The following DHRS4 variants were observed in gnomAD, a reference collection of about 807,000 sequenced individuals.
DHRS4 encodes dehydrogenase/reductase 4, also known as dehydrogenase/reductase SDR family member 4.
Under a neutral mutation model 28.4 loss-of-function variants are expected in DHRS4, and 20 were observed. That is an observed-to-expected ratio of 0.71 (90% CI 0.50 to 1.02). The LOEUF (loss-of-function observed/expected upper bound fraction) is 1.02. DHRS4 is among the 50% of genes least tolerant of loss of function. The probability of loss-of-function intolerance (pLI) is 0.00; values close to 1 mark genes in which losing one functional copy is unlikely to be tolerated. For missense variants in DHRS4, 378 were observed against 367.2 expected (o/e 1.03, Z -0.24); for synonymous variants, 144 against 146.4 (o/e 0.98, Z 0.12).
intron 1 of DHRS4, 27 bp downstream of exon 1, chr14:23,953,943 G>A (rs1265487042): frequency 6.4e-7 from 1 of 1,559,898 alleles, no homozygotes; most frequent in Admixed American, 1.9e-5. Flanking sequence ...GAGTTTCTGA[G>A]GCCCTGGCTG....
intron 1 of DHRS4, among the ~76,000 whole-genome samples, 174 bp from the exon 2 acceptor site, chr14:23,954,861 G>A (rs771280093): frequency 1.8e-4 from 28 of 152,212 alleles, no homozygotes; most frequent in Non-Finnish European, 8.8e-5. Context: ...ACAAGTAAAG[G>A]AATGCCAAAA....
At chr14:23,957,587 C>T (rs1049663310) in intron 2 of DHRS4, among the ~76,000 whole-genome samples, 1 of 150,192 alleles carries the variant, frequency 6.7e-6, no homozygotes, top group Non-Finnish European at 1.5e-5. Flanking sequence ...GACAGGGCCT[C>T]CTTCTGTTGC....
At chr14:23,954,106 G>A (rs113168209) in intron 1 of DHRS4, 190 bp downstream of exon 1, 2 of 872,146 alleles carry the variant, frequency 2.3e-6, no homozygotes, top group Middle Eastern at 3.6e-4. Context: ...TCCCTTGCCA[G>A]CCCTCCTGTC....
At chr14:23,963,907 T>C (rs1386194909) in intron 3 of DHRS4, among the ~76,000 whole-genome samples, 6 of 150,712 alleles carry the variant, frequency 4.0e-5, no homozygotes, top group Non-Finnish European at 8.8e-5. Context: ...CTAATTTCAA[T>C]GTAAATGTGT....
chr14:23,955,145 G>A lies in DHRS4; in HGVS notation c.239G>A (p.Gly80Glu), dbSNP rs1168234585. 6.2e-7 allele frequency: 1 copy of A among 1,613,856 alleles called. No homozygotes were observed. Among genetic ancestry groups the A allele is most frequent in the Non-Finnish European group, 8.5e-7 (1 of 1,179,906 alleles). ...GCGGTGGCCACGCTGCAGGGGGAGGGGCTGAGCGTGACGGGCACCGTGTGC... is the reference window on the plus strand; with the variant it reads ...GCGGTGGCCACGCTGCAGGGGGAGGAGCTGAGCGTGACGGGCACCGTGTGC... ...DQAVATLQGE[G>E]LSVTGTVCHV... The change falls in exon 2 of 8, where the codon GGG becomes GAG. Residue 80 changes from glycine to glutamate, a missense_variant. By Grantham distance (98) the Gly-to-Glu change is moderately conservative (BLOSUM62 -2). Transcript: ENST00000313250.
chr14:23,966,300 T>G lies in DHRS4; in HGVS notation c.549T>G (p.Asn183Lys), dbSNP rs755140574. ...FSPSPGFSPY[N>K]VSKTALLGLT... ...TTCTCCAGGGCTTCAGTCCTTACAATGTCAGTAAAACAGCCTTGCTGGGCC... is the reference window on the plus strand; with the variant it reads ...TTCTCCAGGGCTTCAGTCCTTACAAGGTCAGTAAAACAGCCTTGCTGGGCC... The change falls in exon 6 of 8, where the codon AAT becomes AAG. Residue 183 changes from asparagine to lysine, a missense_variant. By Grantham distance (94) the Asn-to-Lys change is moderately conservative. Coordinates refer to ENST00000313250, the MANE Select transcript of DHRS4 (RefSeq NM_021004.4). 15 of 1,613,738 alleles carry G rather than the reference T, an allele frequency of 9.3e-6. No individual in the cohort carries two copies. Among genetic ancestry groups the G allele is most frequent in the Non-Finnish European group, 1.2e-5 (14 of 1,179,958 alleles).
intron 2 of DHRS4, among the ~76,000 whole-genome samples, chr14:23,955,942 C>T (rs111631601): frequency 0.058 from 8,834 of 152,286 alleles, 306 homozygotes; most frequent in African/African-American, 0.098. Context: ...ACGGCATACA[C>T]TTTATTTCCC....
chr14:23,953,776 G>T lies in DHRS4; in HGVS notation c.-13G>T, dbSNP rs1448793585. On this transcript the variant is annotated 5_prime_UTR_variant, in exon 1 of 8. Transcript: ENST00000313250. ...CCTGGGAAGAGTGGAACCCATACTT[G>T]CTGGTCTGATCCATGCACAAGGCGG... 1 of 1,613,900 alleles carries T rather than the reference G, an allele frequency of 6.2e-7. No homozygotes were observed. The highest frequency in any genetic ancestry group is 8.5e-7 in the Non-Finnish European group (1 of 1,179,922).
chr14:23,963,142 C>T (rs1396996667), intron 3 of DHRS4, among the ~76,000 whole-genome samples: 3 of 108,310 alleles, frequency 2.8e-5, no homozygotes, highest in South Asian at 2.9e-4. Context: ...GTAGATTTAG[C>T]GTAAATCTGA....
At chr14:23,956,811 C>T (rs1425496805) in intron 2 of DHRS4, among the ~76,000 whole-genome samples, 4 of 152,060 alleles carry the variant, frequency 2.6e-5, no homozygotes, top group Admixed American at 6.6e-5. Flanking sequence ...ACCATGTTGG[C>T]CAGGCTGGTC....
At chr14:23,958,987 A>C (rs1278859098) in intron 2 of DHRS4, among the ~76,000 whole-genome samples, 3 of 152,212 alleles carry the variant, frequency 2.0e-5, no homozygotes, top group Non-Finnish European at 4.4e-5. Context: ...AGGCCCCTCC[A>C]GGGTAACTTT....
At chr14:23,961,362 A>T (rs1206998813) in intron 3 of DHRS4, among the ~76,000 whole-genome samples, 2 of 115,536 alleles carry the variant, frequency 1.7e-5, no homozygotes, top group Admixed American at 1.7e-4. Context: ...TAAAAACAAC[A>T]ACAACAACAA....
intron 3 of DHRS4, among the ~76,000 whole-genome samples, chr14:23,961,544 T>TC (rs1555325886): frequency 1.4e-3 from 170 of 123,568 alleles, no homozygotes; most frequent in African/African-American, 6.1e-3. Context: ...TTTTTTTTTT[T>TC]CCCTCGCTGT....
rs1353157976 is a variant in DHRS4 at position 23,955,143 on chromosome 14, G to C, written c.237G>C (p.Glu79Asp). The C allele has an allele frequency of 5.0e-6, 8 of 1,613,892 alleles. No homozygotes were observed. In the South Asian group the frequency reaches 8.8e-5, roughly 18 times the overall value. ...AGGCGGTGGCCACGCTGCAGGGGGA[G>C]GGGCTGAGCGTGACGGGCACCGTGT... ...VDQAVATLQG[E>D]GLSVTGTVCH... is the part of the protein sequence containing the mutation. Residue 79 changes from glutamate (E) to aspartate (D), a missense_variant, in exon 2 of 8, where the codon GAG becomes GAC. Physicochemically the swap from Glu to Asp is conservative, Grantham distance 45. Coordinates refer to ENST00000313250, the MANE Select transcript of DHRS4 (RefSeq NM_021004.4).
intron 2 of DHRS4, among the ~76,000 whole-genome samples, chr14:23,956,776 G>A (rs192213511): frequency 6.6e-6 from 1 of 151,938 alleles, no homozygotes; most frequent in Admixed American, 6.6e-5. Context: ...GCTAATTTTT[G>A]TATTTTTGGT....
intron 2 of DHRS4, among the ~76,000 whole-genome samples, chr14:23,957,816 G>T (rs1314298744): frequency 6.7e-6 from 1 of 149,394 alleles, no homozygotes; most frequent in Non-Finnish European, 1.5e-5. Flanking sequence ...CTACCAAAGT[G>T]CTAGGATTAT....
chr14:23,959,844 G>T, intron 2 of DHRS4, 58 bp from the exon 3 acceptor site: 1 of 1,583,644 alleles, frequency 6.3e-7, no homozygotes, highest in East Asian at 2.2e-5. Flanking sequence ...ATCAACATGG[G>T]TAAATGCACC....
At chr14:23,953,939 C>A in intron 1 of DHRS4, 23 bp downstream of exon 1, 1 of 1,562,798 alleles carries the variant, frequency 6.4e-7, no homozygotes, top group African/African-American at 1.4e-5. Context: ...GCCGGAGTTT[C>A]TGAGGCCCTG....
chr14:23,959,557 A>G (rs1273661255), intron 2 of DHRS4, among the ~76,000 whole-genome samples: 1 of 152,176 alleles, frequency 6.6e-6, no homozygotes, highest in Non-Finnish European at 1.5e-5. Context: ...GACTCCGTCT[A>G]AAAAAGAAAG....
Sources: gnomAD v4.1 joint callset for allele counts (sites outside exome capture counted in the v4.1 genomes callset) on GRCh38, gnomAD v4.1.1 for gene constraint, MANE v1.5 for transcripts, NCBI Gene and HGNC (gene_info 2026-07-23, HGNC 2026-07-21) for gene names.